NELL1: variants seen among roughly 807,000 people sequenced by gnomAD.
The protein encoded by NELL1 is protein kinase C-binding protein NELL1.
Under a neutral mutation model 107.4 loss-of-function variants are expected in NELL1, and 76 were observed. The observed-to-expected ratio is 0.71, with a 90% CI of 0.59 to 0.86. NELL1 has a LOEUF of 0.86. Among genes scored for constraint, NELL1 ranks in the 40% least tolerant of loss-of-function variants. The pLI, the probability that NELL1 is intolerant of heterozygous loss-of-function variation, is 0.00. For synonymous variants in NELL1, 353 were observed against 341.2 expected (o/e 1.03, Z -0.38); for missense variants, 1,024 against 1,005.5 (o/e 1.02, Z -0.25).
chr11:21,328,530 C>A (rs1323192521), intron 14 of NELL1, among the ~76,000 whole-genome samples: 3 of 152,156 alleles, frequency 2.0e-5, no homozygotes, highest in African/African-American at 7.2e-5. Flanking sequence ...AGCCTCCACA[C>A]AGAGTTCCCA....
intron 14 of NELL1, among the ~76,000 whole-genome samples, chr11:21,355,139 T>A (rs761246376): frequency 6.6e-6 from 1 of 152,202 alleles, no homozygotes; most frequent in Non-Finnish European, 1.5e-5. Flanking sequence ...GTGAACATCA[T>A]CTTTTATTCT....
intron 14 of NELL1, among the ~76,000 whole-genome samples, chr11:21,286,805 C>A (rs1332743810): frequency 2.0e-5 from 3 of 152,202 alleles, no homozygotes; most frequent in Non-Finnish European, 4.4e-5. Context: ...GTAAGCTCCA[C>A]GTGTTTTCTT....
chr11:21,090,001 C>G (rs773794654), intron 12 of NELL1, among the ~76,000 whole-genome samples: 4 of 152,186 alleles, frequency 2.6e-5, no homozygotes, highest in Non-Finnish European at 4.4e-5. Context: ...TGATTTCTTA[C>G]TAGCTATAGT....
chr11:21,513,418 T>C (rs1382896361), intron 15 of NELL1, among the ~76,000 whole-genome samples: 5 of 152,154 alleles, frequency 3.3e-5, no homozygotes, highest in Non-Finnish European at 5.9e-5. Flanking sequence ...GACACATTGG[T>C]GGCTTGATAT....
chr11:21,055,681 G>T (rs1479807833), intron 12 of NELL1, among the ~76,000 whole-genome samples: 2 of 152,078 alleles, frequency 1.3e-5, no homozygotes, highest in African/African-American at 4.8e-5. Context: ...AATGGAGGGA[G>T]TACCCAGGAG....
intron 13 of NELL1, among the ~76,000 whole-genome samples, chr11:21,209,438 A>T (rs1446957820): frequency 6.6e-6 from 1 of 151,532 alleles, no homozygotes; most frequent in Non-Finnish European, 1.5e-5. Flanking sequence ...TGGGATTTTT[A>T]TCAAAATAAC....
Position 20,992,502 on chromosome 11 carries a change from A to T in NELL1, c.1300+31942A>T, listed in dbSNP as rs116009424. Among the ~76,000 whole-genome samples, 720 of 152,294 alleles carry T rather than the reference A, an allele frequency of 4.7e-3. 9 individuals are homozygous for T. The highest frequency in any genetic ancestry group is 0.016 in the African/African-American group (678 of 41,550). On this transcript the variant is annotated intron_variant, in intron 12 of 19. Coordinates refer to ENST00000357134, the MANE Select transcript of NELL1 (RefSeq NM_006157.5). The stretch of plus-strand genomic sequence containing the variant: ...GAAAGGAGATCCAGAGAAGTTAAGA[A>T]GGTGGGTTCTAGTTCTGTTCATAGT...
At chr11:21,062,585 A>G (rs151331736) in intron 12 of NELL1, among the ~76,000 whole-genome samples, 237 of 152,322 alleles carry the variant, frequency 1.6e-3, no homozygotes, top group African/African-American at 5.4e-3. Flanking sequence ...CTATATTCCA[A>G]CATCAATTGG....
chr11:20,706,017 C>G (rs139256679), intron 2 of NELL1, among the ~76,000 whole-genome samples: 5,870 of 152,238 alleles, frequency 0.039, 164 homozygotes, highest in Non-Finnish European at 0.059. Flanking sequence ...CAAGAAACAA[C>G]AGGTGCTGCA....
chr11:21,205,194 T>C (rs903658392), intron 13 of NELL1, among the ~76,000 whole-genome samples: 1 of 152,176 alleles, frequency 6.6e-6, no homozygotes, highest in African/African-American at 2.4e-5. Context: ...CATTGAAGTC[T>C]GTTGAAGATG....
intron 5 of NELL1, among the ~76,000 whole-genome samples, chr11:20,904,100 C>T (rs1306326332): frequency 2.6e-5 from 4 of 152,154 alleles, no homozygotes; most frequent in South Asian, 4.1e-4. Context: ...ATAAAAGGTA[C>T]TTGTAACTCA....
chr11:21,195,979 T>G (rs1857143849), intron 13 of NELL1, among the ~76,000 whole-genome samples: 1 of 152,230 alleles, frequency 6.6e-6, no homozygotes, highest in Admixed American at 6.5e-5. Context: ...CGAAGTCATG[T>G]AGTCTGAGTC....
At chr11:21,485,951 T>G (rs972581655) in intron 15 of NELL1, among the ~76,000 whole-genome samples, 1 of 152,074 alleles carries the variant, frequency 6.6e-6, no homozygotes, top group African/African-American at 2.4e-5. Flanking sequence ...AGTACCTACC[T>G]GTACAAGCCA....
intron 3 of NELL1, among the ~76,000 whole-genome samples, chr11:20,831,996 G>T (rs967390175): frequency 5.3e-5 from 8 of 152,348 alleles, no homozygotes; most frequent in Admixed American, 3.9e-4. Context: ...AGCGTAGGGG[G>T]TGGGAATGTT....
chr11:21,086,585 G>T (rs1380907022), intron 12 of NELL1, among the ~76,000 whole-genome samples: 1 of 152,070 alleles, frequency 6.6e-6, no homozygotes, highest in Non-Finnish European at 1.5e-5. Context: ...CGGAAAGCTT[G>T]ATGTACCCAG....
chr11:21,208,714 T>C (rs934753412), intron 13 of NELL1, among the ~76,000 whole-genome samples: 4 of 152,148 alleles, frequency 2.6e-5, no homozygotes, highest in Admixed American at 6.6e-5. Flanking sequence ...CTGAATCATC[T>C]AGAGGGAGTT....
At chr11:20,843,941 C>T (rs919474) in intron 3 of NELL1, among the ~76,000 whole-genome samples, 49,008 of 151,916 alleles carry the variant, frequency 0.32, 8,940 homozygotes, top group African/African-American at 0.49. Flanking sequence ...GTCTACCTTG[C>T]ACTTAAGCAA....
At chr11:21,307,132 A>G (rs904648537) in intron 14 of NELL1, among the ~76,000 whole-genome samples, 1 of 151,956 alleles carries the variant, frequency 6.6e-6, no homozygotes, top group African/African-American at 2.4e-5. Flanking sequence ...TGCTGTAATG[A>G]GCCTTGGTGA....
At chr11:20,835,193 G>A (rs530818278) in intron 3 of NELL1, among the ~76,000 whole-genome samples, 15 of 152,188 alleles carry the variant, frequency 9.9e-5, no homozygotes, top group Middle Eastern at 6.8e-3. Context: ...TCACATCACC[G>A]TTCAAGATTG....
Sources: allele counts gnomAD v4.1 joint callset (sites outside exome capture counted in the v4.1 genomes callset), GRCh38; gene constraint gnomAD v4.1.1; transcripts MANE v1.5; gene names NCBI Gene and HGNC (gene_info 2026-07-23, HGNC 2026-07-21).